The following GRIN2A variants were observed in gnomAD, a reference collection of about 807,000 sequenced individuals.
The protein encoded by GRIN2A is glutamate receptor ionotropic, NMDA 2A.
GRIN2A carries 22 observed loss-of-function variants against 113.4 expected under a neutral mutation model. That is an observed-to-expected ratio of 0.19 (90% confidence interval 0.14 to 0.28). The LOEUF is 0.28. Among genes scored for constraint, GRIN2A ranks in the 10% least tolerant of loss-of-function variants. The pLI is 1.00. For missense variants in GRIN2A, 1,502 were observed against 1,887.0 expected (o/e 0.80, Z 3.78); for synonymous variants, 827 against 738.4 (o/e 1.12, Z -1.94).
intron 4 of GRIN2A, among the ~76,000 whole-genome samples, chr16:9,851,904 G>A (rs1162725823): frequency 6.6e-6 from 1 of 152,202 alleles, no homozygotes; most frequent in Admixed American, 6.5e-5. Context: ...TATGGTGGCT[G>A]CTATTATTTT....
intron 2 of GRIN2A, among the ~76,000 whole-genome samples, chr16:9,961,320 TA>T (rs1289631131): frequency 6.6e-6 from 1 of 151,902 alleles, no homozygotes; most frequent in Non-Finnish European, 1.5e-5. Flanking sequence ...CATCTAATGA[TA>T]TGGGGGTGCA....
At chr16:10,006,467 T>C (rs1485461610) in intron 2 of GRIN2A, among the ~76,000 whole-genome samples, 1 of 152,176 alleles carries the variant, frequency 6.6e-6, no homozygotes, top group African/African-American at 2.4e-5. Context: ...AACCCAATCA[T>C]GTAAATTTCA....
chr16:9,967,429 G>C (rs991484940), intron 2 of GRIN2A, among the ~76,000 whole-genome samples: 5 of 152,210 alleles, frequency 3.3e-5, no homozygotes, highest in African/African-American at 4.8e-5. Context: ...CAATGGGCCG[G>C]GCACAGTGAC....
intron 2 of GRIN2A, among the ~76,000 whole-genome samples, chr16:9,982,512 A>G (rs1371271953): frequency 6.6e-6 from 1 of 152,224 alleles, no homozygotes; most frequent in East Asian, 1.9e-4. Flanking sequence ...GAACTGATAC[A>G]AGAAGGGCAG....
chr16:10,167,960 T>A (rs1192827516), intron 2 of GRIN2A, among the ~76,000 whole-genome samples: 3 of 152,188 alleles, frequency 2.0e-5, no homozygotes, highest in Admixed American at 1.3e-4. Flanking sequence ...ATTTGTCAAC[T>A]GAAAAACCAG....
At chr16:9,837,486 T>A (rs1356594991) in intron 7 of GRIN2A, among the ~76,000 whole-genome samples, 1 of 152,166 alleles carries the variant, frequency 6.6e-6, no homozygotes, top group East Asian at 1.9e-4. Context: ...GACAAGCCAA[T>A]TGATATTTTT....
chr16:9,818,726 GC>G (rs1240619204), intron 10 of GRIN2A, among the ~76,000 whole-genome samples: 8 of 152,248 alleles, frequency 5.3e-5, no homozygotes, highest in African/African-American at 1.9e-4. Context: ...TTACCTATTA[GC>G]AAAATTTTGA....
intron 2 of GRIN2A, among the ~76,000 whole-genome samples, chr16:10,013,808 T>A (rs569352456): frequency 2.6e-5 from 4 of 152,144 alleles, no homozygotes; most frequent in Non-Finnish European, 4.4e-5. Flanking sequence ...AAGAGAAAAA[T>A]TGCTTAAAGT....
At chr16:10,026,722 G>A (rs1452467294) in intron 2 of GRIN2A, among the ~76,000 whole-genome samples, 2 of 152,174 alleles carry the variant, frequency 1.3e-5, no homozygotes, top group Non-Finnish European at 2.9e-5. Context: ...CCCCAGGAAA[G>A]CCTAGTAGCT....
rs1555469303 is a variant in GRIN2A, at chr16:10,039,813, A to AGAGAGAGAGAGAGAG, written c.415-101263_415-101262insCTCTCTCTCTCTCTC. The stretch of plus-strand genomic sequence containing the variant: ...GAGGGGGAGGGGGAGGGGGGGGAGA[A>AGAGAGAGAGAGAGAG]AGAGAGAGAGAGAGAGAGAGAGGAG... On this transcript the variant is annotated intron_variant, in intron 2 of 12. Coordinates refer to ENST00000330684, the MANE Select transcript of GRIN2A (RefSeq NM_001134407.3). 1.7e-3 allele frequency among the ~76,000 whole-genome samples: 126 copies of AGAGAGAGAGAGAGAG among 73,570 alleles called. 2 individuals are homozygous for AGAGAGAGAGAGAGAG. The highest frequency in any genetic ancestry group is 2.2e-3 in the African/African-American group (33 of 15,014). The allele number at this position is 73,570 out of a possible 152,430, so 48.3% of individuals were successfully genotyped here.
At chr16:10,005,625 GC>G (rs1397817629) in intron 2 of GRIN2A, among the ~76,000 whole-genome samples, 1 of 152,162 alleles carries the variant, frequency 6.6e-6, no homozygotes, top group Non-Finnish European at 1.5e-5. Flanking sequence ...TATCACTGGA[GC>G]TTTTAAATCT....
intron 2 of GRIN2A, among the ~76,000 whole-genome samples, chr16:10,096,658 AC>A (rs537733407): frequency 1.3e-5 from 2 of 151,970 alleles, no homozygotes; most frequent in South Asian, 4.2e-4. Flanking sequence ...TCCAGACACA[AC>A]AGTGAAAGTG....
intron 2 of GRIN2A, among the ~76,000 whole-genome samples, chr16:10,121,784 C>T (rs1448247): frequency 0.18 from 28,092 of 152,096 alleles, 3,230 homozygotes; most frequent in East Asian, 0.4. Context: ...AACCTGTTCT[C>T]CCCAGGAAAG....
chr16:10,078,274 T>A (rs947803004), intron 2 of GRIN2A, among the ~76,000 whole-genome samples: 4 of 152,150 alleles, frequency 2.6e-5, no homozygotes, highest in Non-Finnish European at 4.4e-5. Context: ...CACAGAGCTT[T>A]ACCAGCCAAG....
At chr16:9,939,750 T>C (rs1212320848) in intron 2 of GRIN2A, among the ~76,000 whole-genome samples, 1 of 152,166 alleles carries the variant, frequency 6.6e-6, no homozygotes, top group African/African-American at 2.4e-5. Context: ...ACAGTCTTCC[T>C]GGGATCACTG....
At chr16:9,870,726 T>C (rs1440635595) in intron 4 of GRIN2A, among the ~76,000 whole-genome samples, 1 of 151,584 alleles carries the variant, frequency 6.6e-6, no homozygotes, top group Non-Finnish European at 1.5e-5. Context: ...CAACCTCCGC[T>C]TCCCAGGTTC....
At chr16:10,061,762 G>A (rs567160069) in intron 2 of GRIN2A, among the ~76,000 whole-genome samples, 4 of 152,306 alleles carry the variant, frequency 2.6e-5, no homozygotes, top group African/African-American at 9.6e-5. Context: ...CAGAGAGTAG[G>A]AATTAAAGAA....
chr16:9,935,810 T>A (rs963842257), intron 3 of GRIN2A, among the ~76,000 whole-genome samples: 5 of 152,130 alleles, frequency 3.3e-5, no homozygotes, highest in African/African-American at 1.2e-4. Flanking sequence ...CAAGTGATTC[T>A]CCTGCCTCAG....
intron 11 of GRIN2A, among the ~76,000 whole-genome samples, chr16:9,772,509 C>T (rs971318551): frequency 3.9e-5 from 6 of 152,058 alleles, no homozygotes; most frequent in African/African-American, 7.2e-5. Flanking sequence ...GTAGTTGGGA[C>T]GACAGGCACA....
Sources: gnomAD v4.1 joint callset for allele counts (sites outside exome capture counted in the v4.1 genomes callset) on GRCh38, gnomAD v4.1.1 for gene constraint, MANE v1.5 for transcripts, NCBI Gene and HGNC (gene_info 2026-07-23, HGNC 2026-07-21) for gene names.